ZCCHC14: variants seen among roughly 807,000 people sequenced by gnomAD.
The protein encoded by ZCCHC14 is zinc finger CCHC domain-containing protein 14.
Under a neutral mutation model 85.0 loss-of-function variants are expected in ZCCHC14, and 16 were observed. That is an observed-to-expected ratio of 0.19 (90% CI 0.13 to 0.29). The LOEUF (loss-of-function observed/expected upper bound fraction) is 0.29. ZCCHC14 is among the 10% of genes least tolerant of loss of function. ZCCHC14 has a pLI of 1.00. For missense variants in ZCCHC14, 1,303 were observed against 1,443.5 expected (o/e 0.90, Z 1.58); for synonymous variants, 775 against 630.7 (o/e 1.23, Z -3.43).
At chr16:87,418,083 G>A (rs188045686) in intron 7 of ZCCHC14, among the ~76,000 whole-genome samples, 2 of 152,302 alleles carry the variant, frequency 1.3e-5, no homozygotes, top group East Asian at 1.9e-4. Flanking sequence ...GTCCCCACCA[G>A]ACTTCTGCTT....
intron 3 of ZCCHC14, among the ~76,000 whole-genome samples, chr16:87,424,586 G>A (rs961771962): frequency 2.6e-5 from 4 of 152,122 alleles, no homozygotes; most frequent in Non-Finnish European, 5.9e-5. Context: ...CCACATGCAC[G>A]CTAAGCTCCA....
intron 1 of ZCCHC14, among the ~76,000 whole-genome samples, chr16:87,487,200 CAG>C (rs1336695720): frequency 6.6e-6 from 1 of 152,214 alleles, no homozygotes; most frequent in Non-Finnish European, 1.5e-5. Context: ...ATGCAAGCCA[CAG>C]AGAGTTCCAG....
chr16:87,466,109 C>T (rs929139081), intron 1 of ZCCHC14, among the ~76,000 whole-genome samples: 4 of 151,544 alleles, frequency 2.6e-5, no homozygotes, highest in African/African-American at 4.9e-5. Flanking sequence ...AACTACCCCC[C>T]GCCTCAGGTA....
At chr16:87,453,257 C>G (rs577281889) in intron 2 of ZCCHC14, among the ~76,000 whole-genome samples, 1 of 152,358 alleles carries the variant, frequency 6.6e-6, no homozygotes, top group African/African-American at 2.4e-5. Context: ...GTCATGGCAA[C>G]AGCTCCTACA....
At chr16:87,422,274 C>T (rs962863953) in intron 4 of ZCCHC14, among the ~76,000 whole-genome samples, 13 of 152,050 alleles carry the variant, frequency 8.5e-5, no homozygotes, top group Non-Finnish European at 1.2e-4. Flanking sequence ...GGTGTGGAAA[C>T]GGGCACAGGA....
At chr16:87,470,072 C>T (rs905237353) in intron 1 of ZCCHC14, among the ~76,000 whole-genome samples, 9 of 152,078 alleles carry the variant, frequency 5.9e-5, no homozygotes, top group Non-Finnish European at 1.0e-4. Context: ...GTGGTTCACA[C>T]CTGTAATCCC....
intron 4 of ZCCHC14, among the ~76,000 whole-genome samples, chr16:87,421,474 A>T (rs1308050010): frequency 1.3e-5 from 2 of 152,182 alleles, no homozygotes; most frequent in South Asian, 2.1e-4. Context: ...CGGGGAGGGC[A>T]AGGCACTGAG....
rs1045251979 is a variant in ZCCHC14 at position 87,410,115 on chromosome 16, C to A, written c.*165G>T. On this transcript the variant is annotated 3_prime_UTR_variant, in exon 13 of 13. Transcript: ENST00000671377. Reference sequence around the variant, plus strand: ...CCAATCTAGGGTTTTGGCAATAAATCGAGTTTGATGCACTTCTACGCTAGA... The same window carrying A: ...CCAATCTAGGGTTTTGGCAATAAATAGAGTTTGATGCACTTCTACGCTAGA... 5.9e-6 allele frequency: 3 copies of A among 510,902 alleles called. No homozygotes were observed. The highest frequency in any genetic ancestry group is 3.2e-5 in the East Asian group (1 of 31,436). The allele number at this position is 510,902 out of a possible 1,614,324, so 31.6% of individuals were successfully genotyped here. A position where few individuals can be genotyped will look rare whatever the true frequency, so the allele number is the denominator to read the frequency against.
intron 1 of ZCCHC14, chr16:87,472,742 ATTTT>A (rs1187998556): frequency 6.6e-6 from 1 of 152,174 alleles, no homozygotes; most frequent in Non-Finnish European, 1.5e-5. Flanking sequence ...TGCACTTTTT[ATTTT>A]TTATCTTTGA....
intron 2 of ZCCHC14, among the ~76,000 whole-genome samples, chr16:87,453,173 T>G (rs117136972): frequency 0.024 from 3,705 of 152,258 alleles, 82 homozygotes; most frequent in Middle Eastern, 0.1. Flanking sequence ...GACAAAGCCA[T>G]GCTTGGGAGC....
chr16:87,491,309 T>G lies in ZCCHC14; in HGVS notation c.570+360A>C, dbSNP rs1597189946. ...TGGGGCACGCAGAGGGGACTGAGGG[T>G]GTGGGCTCAGGGCCGCGGTGCGGTC... On this transcript the variant is annotated intron_variant, in intron 1 of 12. Coordinates refer to ENST00000671377, the MANE Select transcript of ZCCHC14 (RefSeq NM_015144.3). The surrounding 1 kb of genome is among the most constrained non-coding windows in gnomAD (Gnocchi z 5.9). Among the ~76,000 whole-genome samples the G allele has an allele frequency of 6.6e-6, 1 of 151,940 alleles. No homozygotes were observed. The highest frequency in any genetic ancestry group is 2.4e-5 in the African/African-American group (1 of 41,354).
intron 1 of ZCCHC14, among the ~76,000 whole-genome samples, chr16:87,490,757 C>T (rs1912718079): frequency 6.6e-6 from 1 of 152,236 alleles, no homozygotes; most frequent in Non-Finnish European, 1.5e-5. Flanking sequence ...GGTAGCCCGG[C>T]TCTTAAAAAC....
intron 1 of ZCCHC14, among the ~76,000 whole-genome samples, chr16:87,482,643 G>T (rs1039849790): frequency 6.6e-6 from 1 of 152,238 alleles, no homozygotes; most frequent in African/African-American, 2.4e-5. Context: ...AGGTCATATG[G>T]ATGGAGACAT....
chr16:87,475,552 TAAAAAAAA>T (rs35771945), intron 1 of ZCCHC14, among the ~76,000 whole-genome samples: 29 of 91,474 alleles, frequency 3.2e-4, no homozygotes, highest in Admixed American at 2.7e-3. Context: ...GACTCTGTCT[TAAAAAAAA>T]AAAAAAAAAA....
chr16:87,417,671 C>G lies in ZCCHC14; in HGVS notation c.1172G>C (p.Gly391Ala). ...GAQHHGQHPAGSAAPLPHCSH... is the reference protein window; with the variant it reads ...GAQHHGQHPAASAAPLPHCSH... ...GCAGTGAGGCAAGGGGGCGGCGGAG[C>G]CGGCCGGGTGCTGCCCGTGGTGCTG... Residue 391 changes from glycine (G) to alanine (A), a missense_variant, in exon 8 of 13, where the codon GGC becomes GCC. Physicochemically the swap from Gly to Ala is moderately conservative, Grantham distance 60 (BLOSUM62 0). Coordinates refer to ENST00000671377, the MANE Select transcript of ZCCHC14 (RefSeq NM_015144.3). 1 of 1,611,630 alleles carries G rather than the reference C, an allele frequency of 6.2e-7. No homozygotes were observed. Among genetic ancestry groups the G allele is most frequent in the Non-Finnish European group, 8.5e-7 (1 of 1,179,136 alleles).
chr16:87,442,874 A>C (rs970969593), intron 2 of ZCCHC14, among the ~76,000 whole-genome samples: 19 of 152,234 alleles, frequency 1.2e-4, no homozygotes, highest in African/African-American at 4.6e-4. Context: ...ACTAAAGGCA[A>C]ATAACTACCA....
chr16:87,418,020 G>A (rs1908886342), intron 7 of ZCCHC14: 1 of 464,700 alleles, frequency 2.2e-6, no homozygotes, highest in South Asian at 5.2e-5. Flanking sequence ...CCGTGCTTCG[G>A]AGTATGCGTC....
At chr16:87,474,019 C>G (rs946193363) in intron 1 of ZCCHC14, 1 of 152,230 alleles carries the variant, frequency 6.6e-6, no homozygotes, top group African/African-American at 2.4e-5. Flanking sequence ...AACAAAAGAT[C>G]AGACCAGAAA....
chr16:87,472,560 A>C (rs1365006439), intron 1 of ZCCHC14: 1 of 152,452 alleles, frequency 6.6e-6, no homozygotes, highest in Non-Finnish European at 1.5e-5. Flanking sequence ...AAAAAGGTAC[A>C]AAGTCAGCAC....
Sources: allele counts gnomAD v4.1 joint callset (sites outside exome capture counted in the v4.1 genomes callset), GRCh38; gene constraint gnomAD v4.1.1; non-coding constraint Gnocchi (gnomAD v3.1); transcripts MANE v1.5; gene names NCBI Gene and HGNC (gene_info 2026-07-23, HGNC 2026-07-21).